The following ZNF394 variants were observed in gnomAD, a reference collection of about 807,000 sequenced individuals.
ZNF394 encodes zinc finger protein 99.
A neutral mutation model predicts 21.8 loss-of-function variants in ZNF394; 19 were observed. The observed-to-expected ratio is 0.87, with a 90% CI of 0.61 to 1.28. The LOEUF (loss-of-function observed/expected upper bound fraction) is 1.28. Among genes scored for constraint, ZNF394 ranks in the 50% most tolerant of loss-of-function variants. The pLI is 0.00. For synonymous variants in ZNF394, 294 were observed against 273.3 expected, an observed-to-expected ratio of 1.08 and a Z score of -0.75; for missense variants, 683 against 708.6, an observed-to-expected ratio of 0.96 and a Z score of 0.41.
At chr7:99,499,041 A>G (rs556377183) in intron 1 of ZNF394, among the ~76,000 whole-genome samples, 199 bp from the exon 2 acceptor site, 16 of 152,194 alleles carry the variant, frequency 1.1e-4, no homozygotes, top group African/African-American at 3.6e-4. Context: ...TCTTTAACTT[A>G]TATCACTGTG....
intron 1 of ZNF394, among the ~76,000 whole-genome samples, chr7:99,488,069 C>G (rs1402245209): frequency 3.3e-5 from 3 of 89,660 alleles, no homozygotes; most frequent in Admixed American, 1.2e-4. Flanking sequence ...GAGACTCCGT[C>G]TCAAAAAAAA....
intron 2 of ZNF394, among the ~76,000 whole-genome samples, chr7:99,497,469 C>T (rs190499838): frequency 6.6e-5 from 10 of 151,892 alleles, no homozygotes; most frequent in Admixed American, 1.3e-4. Context: ...CGTGAGCCAC[C>T]GTGCCTGGCC....
intron 2 of ZNF394, chr7:99,497,760 G>A (rs1460099399): frequency 6.6e-6 from 1 of 152,144 alleles, no homozygotes; most frequent in Non-Finnish European, 1.5e-5. Flanking sequence ...CTCCTCGGGA[G>A]ACAGAGGCAG....
intron 2 of ZNF394, among the ~76,000 whole-genome samples, chr7:99,497,446 CT>C (rs918566478): frequency 2.6e-5 from 4 of 151,574 alleles, no homozygotes; most frequent in Non-Finnish European, 4.4e-5. Flanking sequence ...TCCCAAAGTG[CT>C]GGGATTACAG....
At chr7:99,497,559 C>T (rs1013798621) in intron 2 of ZNF394, among the ~76,000 whole-genome samples, 1 of 151,688 alleles carries the variant, frequency 6.6e-6, no homozygotes, top group Admixed American at 6.6e-5. Context: ...TTAACAGTAA[C>T]TATTAATTAT....
At chr7:99,490,788 A>C (rs76939231), downstream of ZNF394, among the ~76,000 whole-genome samples, 185 of 152,198 alleles carry the variant, frequency 1.2e-3, 4 homozygotes, top group East Asian at 0.035. Context: ...GGGAACTGCC[A>C]AATCTAGAGA....
chr7:99,499,408 A>AG (rs1562895733), intron 1 of ZNF394, among the ~76,000 whole-genome samples: 1 of 151,736 alleles, frequency 6.6e-6, no homozygotes, highest in African/African-American at 2.4e-5. Flanking sequence ...GAAAAAAAAA[A>AG]AAAAGAAAAG....
chr7:99,495,618 C>T (rs1453746176), intron 2 of ZNF394, among the ~76,000 whole-genome samples: 1 of 150,782 alleles, frequency 6.6e-6, no homozygotes, highest in Non-Finnish European at 1.5e-5. Flanking sequence ...AGCCACCACA[C>T]CCAGCTATTT....
At position 99,499,930 on chromosome 7, in the gene ZNF394, G is replaced by C. The variant is rs1340552260; in HGVS notation, c.164C>G (p.Ala55Gly). The stretch of plus-strand genomic sequence containing the variant: ...AGAAGTTTCGGGGTCCGGCGAAGCC[G>C]CGGGATAGTTGGGCTCCCAACTTCC... ...SPGSWEPNYP[A>G]ASPDPETSRL... The change falls in exon 1 of 3, where the codon GCG becomes GGG. Residue 55 changes from alanine to glycine, a missense_variant. By Grantham distance (60) the Ala-to-Gly change is moderately conservative (BLOSUM62 0). Around this residue, in one of 3 missense-constraint regions of ZNF394, gnomAD observed 402 missense variants for 373.8 expected, o/e 1.08. Transcript: ENST00000337673. 1.2e-6 allele frequency: 2 copies of C among 1,614,044 alleles called. No individual in the cohort carries two copies. Among genetic ancestry groups the C allele is most frequent in the Admixed American group, 3.3e-5 (2 of 60,012 alleles).
intron 1 of ZNF394, among the ~76,000 whole-genome samples, 176 bp from the exon 2 acceptor site, chr7:99,499,018 G>A (rs1290736275): frequency 2.6e-5 from 4 of 152,176 alleles, no homozygotes; most frequent in Non-Finnish European, 4.4e-5. Flanking sequence ...GAGGTAGGTA[G>A]GAGCAAAATA....
chr7:99,490,736 G>C (rs936540838), downstream of ZNF394, among the ~76,000 whole-genome samples: 4 of 151,626 alleles, frequency 2.6e-5, no homozygotes, highest in African/African-American at 9.7e-5. Flanking sequence ...GTTTAAAGAA[G>C]GTACAAACAG....
chr7:99,496,726 CTATTT>C (rs1800323460), intron 2 of ZNF394, among the ~76,000 whole-genome samples: 1 of 151,652 alleles, frequency 6.6e-6, no homozygotes, highest in African/African-American at 2.4e-5. Flanking sequence ...AAATGTATTA[CTATTT>C]TTTTTATTAA....
In ZNF394 at chr7:99,493,627, A is replaced by G; in HGVS notation, c.1588T>C (p.Cys530Arg). The change falls in exon 3 of 3, where the codon TGT (cysteine) becomes CGT (arginine). Residue 530 changes from cysteine to arginine, a missense_variant. Around this residue, in one of 3 missense-constraint regions of ZNF394, gnomAD observed 274 missense variants for 314.1 expected, o/e 0.87. Transcript: ENST00000337673. The part of the protein sequence containing the change: ...TGEKPYKCLE[C>R]GERFRQSTHL... ...GTACTTTGTCTAAATCTTTCCCCAC[A>G]TTCAAGACATTTGTAAGGCTTTTCC... The G allele has an allele frequency of 6.2e-7, 1 of 1,614,200 alleles. No homozygotes were observed. Among genetic ancestry groups the G allele is most frequent in the Non-Finnish European group, 8.5e-7 (1 of 1,180,038 alleles).
At position 99,494,495 on chromosome 7, in the gene ZNF394, C is replaced by T; in HGVS notation, c.720G>A (p.Glu240=). Residue 240 remains glutamate (E), a synonymous_variant, in exon 3 of 3, where the codon GAG becomes GAA. Transcript: ENST00000337673. ...CTCCGGACTGCTTTTCCACCCTGTC[C>T]TCATGGGTACTGCCACACTTAGAAA... is the stretch of plus-strand genomic sequence containing the variant. The part of the protein sequence containing the change: ...PLFSKCGSTH[E]DRVEKQSGDP... The T allele has an allele frequency of 1.9e-6, 3 of 1,613,838 alleles. No homozygotes were observed. Among genetic ancestry groups the T allele is most frequent in the Non-Finnish European group, 2.5e-6 (3 of 1,180,036 alleles).
Position 99,494,496 on chromosome 7 carries a change from T to A in ZNF394, c.719A>T (p.Glu240Val). ...PLFSKCGSTH[E>V]DRVEKQSGDP... ...TCCGGACTGCTTTTCCACCCTGTCC[T>A]CATGGGTACTGCCACACTTAGAAAA... Residue 240 changes from glutamate to valine, a missense_variant, in exon 3 of 3, where the codon GAG (glutamate) becomes GTG (valine). This residue lies in a region of ZNF394 where 402 missense variants were observed against 373.8 expected (regional missense o/e 1.08). Coordinates refer to ENST00000337673, the MANE Select transcript of ZNF394 (RefSeq NM_032164.4). 2 of 1,613,934 alleles carry A rather than the reference T, an allele frequency of 1.2e-6. No homozygotes were observed. The highest frequency in any genetic ancestry group is 1.7e-6 in the Non-Finnish European group (2 of 1,180,042).
rs192860624 is a variant in ZNF394, at chr7:99,495,769, G to A, written c.584-1138C>T. On this transcript the variant is annotated intron_variant, in intron 2 of 2. Coordinates refer to ENST00000337673, the MANE Select transcript of ZNF394 (RefSeq NM_032164.4). ...GAGAGTAGCTGGGATTACAGGCAAC[G>A]TGCCACCACACCCGGCTAATTTTTG... Among the ~76,000 whole-genome samples, 21 of 150,172 alleles carry A rather than the reference G, an allele frequency of 1.4e-4. No individual in the cohort carries two copies. The East Asian group carries it at 3.4e-3, about 24-fold the overall frequency.
At chr7:99,498,540 C>T in intron 2 of ZNF394, 176 bp downstream of exon 2, 2 of 771,006 alleles carry the variant, frequency 2.6e-6, no homozygotes, top group Non-Finnish European at 3.9e-6. Flanking sequence ...AAAAATGAAC[C>T]AAAGTAAAAA....
chr7:99,487,244 A>G (rs766196903), intron 1 of ZNF394: 1 of 1,614,234 alleles, frequency 6.2e-7, no homozygotes, highest in South Asian at 1.1e-5. Context: ...AAATGCAGTG[A>G]ATGTGGACAG....
chr7:99,492,198 C>A (rs1302463690), downstream of ZNF394, among the ~76,000 whole-genome samples: 1 of 152,002 alleles, frequency 6.6e-6, no homozygotes, highest in Non-Finnish European at 1.5e-5. Context: ...TAGAGTGCTT[C>A]TTTTGAGTAC....
Sources: gnomAD v4.1 joint callset for allele counts (sites outside exome capture counted in the v4.1 genomes callset) on GRCh38, gnomAD v4.1.1 for gene constraint, gnomAD v4.1.1 regional missense constraint, MANE v1.5 for transcripts, NCBI Gene and HGNC (gene_info 2026-07-23, HGNC 2026-07-21) for gene names.